The following KCNQ1 variants were observed in gnomAD, a reference collection of about 807,000 sequenced individuals.
KCNQ1 encodes potassium voltage-gated channel subfamily KQT member 1.
A neutral mutation model predicts 72.4 loss-of-function variants in KCNQ1; 49 were observed. The observed-to-expected ratio is 0.68, with a 90% CI of 0.54 to 0.86. The LOEUF is 0.86. KCNQ1 is among the 40% of genes least tolerant of loss of function. The probability of loss-of-function intolerance (pLI) is 0.00; values close to 1 mark genes in which losing one functional copy is unlikely to be tolerated. For synonymous variants in KCNQ1, 450 were observed against 412.6 expected, an observed-to-expected ratio of 1.09 and a Z score of -1.10; for missense variants, 790 against 945.1, an observed-to-expected ratio of 0.84 and a Z score of 2.15.
intron 11 of KCNQ1, chr11:2,675,610 G>A: frequency 2.5e-6 from 1 of 398,628 alleles, no homozygotes; most frequent in Non-Finnish European, 4.4e-6. Context: ...TCCTCAGATA[G>A]GGTGGAGAGC....
chr11:2,616,550 C>G (rs1181949565), intron 10 of KCNQ1: 3 of 397,940 alleles, frequency 7.5e-6, no homozygotes, highest in Non-Finnish European at 1.3e-5. Flanking sequence ...CTGAGCACTT[C>G]TTTCACTACA....
At position 2,642,286 on chromosome 11, in the gene KCNQ1, T is replaced by G; in HGVS notation, c.1394-19675T>G. Reference sequence around the variant, plus strand: ...TTTTTGTGTGTTCTTTTCAATTTCTTTCATCAGACTTTTGTAGTTTTCCTT... The same window carrying G: ...TTTTTGTGTGTTCTTTTCAATTTCTGTCATCAGACTTTTGTAGTTTTCCTT... On this transcript the variant is annotated intron_variant, in intron 10 of 15. Coordinates refer to ENST00000155840, the MANE Select transcript of KCNQ1 (RefSeq NM_000218.3). This position sits in a 1 kb window ranked among gnomAD's most constrained non-coding sequence, Gnocchi z 4.3. 1 of 398,386 alleles carries G rather than the reference T, an allele frequency of 2.5e-6. No individual in the cohort carries two copies. Among genetic ancestry groups the G allele is most frequent in the Non-Finnish European group, 4.4e-6 (1 of 225,912 alleles). The allele number at this position is 398,386 out of a possible 1,614,324, so 24.7% of individuals were successfully genotyped here. A position where few individuals can be genotyped will look rare whatever the true frequency, so the allele number is the denominator to read the frequency against.
chr11:2,667,009 A>G (rs1045641114), intron 11 of KCNQ1: 1 of 398,688 alleles, frequency 2.5e-6, no homozygotes, highest in Non-Finnish European at 4.4e-6. Flanking sequence ...CATGAGTCAT[A>G]GGATCCCCGT....
intron 1 of KCNQ1, among the ~76,000 whole-genome samples, chr11:2,519,366 G>T (rs1257617802): frequency 6.6e-6 from 1 of 152,226 alleles, no homozygotes; most frequent in East Asian, 1.9e-4. Flanking sequence ...CTTTTTAAAA[G>T]AATTTTTTCA....
intron 10 of KCNQ1, among the ~76,000 whole-genome samples, chr11:2,596,249 C>T (rs766746504): frequency 3.9e-5 from 6 of 152,102 alleles, no homozygotes; most frequent in East Asian, 1.9e-4. Context: ...AAGTCCAAAG[C>T]GATGCAACCA....
At chr11:2,742,486 TGTG>T (rs1161067825) in intron 11 of KCNQ1, among the ~76,000 whole-genome samples, 1 of 152,188 alleles carries the variant, frequency 6.6e-6, no homozygotes, top group Non-Finnish European at 1.5e-5. Flanking sequence ...TGCCCACTCA[TGTG>T]GTGGATTCAT....
chr11:2,738,451 G>A (rs1239644293), intron 11 of KCNQ1, among the ~76,000 whole-genome samples: 1 of 152,324 alleles, frequency 6.6e-6, no homozygotes, highest in Non-Finnish European at 1.5e-5. Context: ...TGGCACTAGC[G>A]TGTGTGACAA....
rs1403886990 is a variant in KCNQ1 at position 2,611,065 on chromosome 11, G to A, written c.1393+22211G>A. The A allele has an allele frequency of 1.3e-5, 5 of 398,208 alleles. No homozygotes were observed. The highest frequency in any genetic ancestry group is 2.1e-5 in the African/African-American group (1 of 48,560). The allele number at this position is 398,208 out of a possible 1,614,324, so 24.7% of individuals were successfully genotyped here. On this transcript the variant is annotated intron_variant, in intron 10 of 15. Transcript: ENST00000155840. This position sits in a 1 kb window ranked among gnomAD's most constrained non-coding sequence, Gnocchi z 5.3. ...GTTTTATTTCATATACTTCAGGGCT[G>A]TGTTTTTAGCTGTTATAAATTTTTA...
At chr11:2,513,957 C>T (rs1400482580) in intron 1 of KCNQ1, among the ~76,000 whole-genome samples, 2 of 152,232 alleles carry the variant, frequency 1.3e-5, no homozygotes, top group Non-Finnish European at 2.9e-5. Context: ...GGGCCTGTCC[C>T]ATGCTGGCTC....
rs1034636138 is a variant in KCNQ1, at chr11:2,579,833, C to G, written c.922-3602C>G. On this transcript the variant is annotated intron_variant, in intron 6 of 15. Transcript: ENST00000155840. This position sits in a 1 kb window ranked among gnomAD's most constrained non-coding sequence, Gnocchi z 6.0. ...CAGCCCCAGGAGGTGACACCCCCAC[C>G]CTCAGCAGCTCTCGTCTGTTTGGGG... Among the ~76,000 whole-genome samples, 2 of 152,022 alleles carry G rather than the reference C, an allele frequency of 1.3e-5. No homozygotes were observed.
At chr11:2,459,521 A>G (rs1406142433) in intron 1 of KCNQ1, among the ~76,000 whole-genome samples, 2 of 152,140 alleles carry the variant, frequency 1.3e-5, no homozygotes, top group Admixed American at 1.3e-4. Flanking sequence ...GGTCACTGCC[A>G]GTCTGTAGCT....
At position 2,621,131 on chromosome 11, in the gene KCNQ1, C is replaced by A. The variant is rs1385154224; in HGVS notation, c.1393+32277C>A. 4.0e-5 allele frequency: 16 copies of A among 397,086 alleles called. No individual in the cohort carries two copies. 24.6% of individuals were successfully genotyped at this position (397,086 alleles called of 1,614,324 possible). A position where few individuals can be genotyped will look rare whatever the true frequency, so the allele number is the denominator to read the frequency against. ...TAGCTGGGATTACAGGTGACCGCCACCATACCTGGCTAATTTTTGTGTTTT... is the reference window on the plus strand; with the variant it reads ...TAGCTGGGATTACAGGTGACCGCCAACATACCTGGCTAATTTTTGTGTTTT... On this transcript the variant is annotated intron_variant, in intron 10 of 15. Coordinates refer to ENST00000155840, the MANE Select transcript of KCNQ1 (RefSeq NM_000218.3). The surrounding 1 kb of genome is among the most constrained non-coding windows in gnomAD (Gnocchi z 5.7).
Position 2,698,854 on chromosome 11 carries a change from A to G in KCNQ1, c.1514+36773A>G, listed in dbSNP as rs1419938872. On this transcript the variant is annotated intron_variant, in intron 11 of 15. Coordinates refer to ENST00000155840, the MANE Select transcript of KCNQ1 (RefSeq NM_000218.3). The surrounding 1 kb of genome is among the most constrained non-coding windows in gnomAD (Gnocchi z 5.1). ...CCTAAAACCACCATGCGGACTCCAG[A>G]CCCGGACTGACTGGGACCCCAACTA... 1.3e-5 allele frequency: 5 copies of G among 398,670 alleles called. No homozygotes were observed. Among genetic ancestry groups the G allele is most frequent in the Admixed American group, 4.4e-5 (1 of 22,712 alleles). The allele number at this position is 398,670 out of a possible 1,614,324, so 24.7% of individuals were successfully genotyped here. A position where few individuals can be genotyped will look rare whatever the true frequency, so the allele number is the denominator to read the frequency against.
intron 15 of KCNQ1, among the ~76,000 whole-genome samples, chr11:2,846,334 C>A (rs1412346387): frequency 6.6e-6 from 1 of 152,196 alleles, no homozygotes; most frequent in Non-Finnish European, 1.5e-5. Flanking sequence ...GCCCTTATCG[C>A]GTGCTGATCT....
At position 2,653,790 on chromosome 11, in the gene KCNQ1, T is replaced by A; in HGVS notation, c.1394-8171T>A. The A allele has an allele frequency of 2.5e-6, 1 of 398,646 alleles. No individual in the cohort carries two copies. Among genetic ancestry groups the A allele is most frequent in the Non-Finnish European group, 4.4e-6 (1 of 226,078 alleles). The allele number at this position is 398,646 out of a possible 1,614,324, so 24.7% of individuals were successfully genotyped here. A position where few individuals can be genotyped will look rare whatever the true frequency, so the allele number is the denominator to read the frequency against. On this transcript the variant is annotated intron_variant, in intron 10 of 15. Transcript: ENST00000155840. The surrounding 1 kb of genome is among the most constrained non-coding windows in gnomAD (Gnocchi z 5.3). ...TACAAGCCATCCTTGGACCTGCAGCTGTACCTCCGATGGCTGAGGCAAGGT... is the reference window on the plus strand; with the variant it reads ...TACAAGCCATCCTTGGACCTGCAGCAGTACCTCCGATGGCTGAGGCAAGGT...
At chr11:2,587,395 G>A (rs1848606559) in intron 8 of KCNQ1, among the ~76,000 whole-genome samples, 175 bp from the exon 9 acceptor site, 1 of 152,190 alleles carries the variant, frequency 6.6e-6, no homozygotes, top group African/African-American at 2.4e-5. Context: ...AGGCTGCCTG[G>A]GCAGAGGGTC....
intron 11 of KCNQ1, among the ~76,000 whole-genome samples, chr11:2,714,240 G>C (rs2283201): frequency 2.5e-3 from 388 of 152,350 alleles, no homozygotes; most frequent in African/African-American, 8.6e-3. Flanking sequence ...CTCATGGGGG[G>C]GTTGGGCCTC....
At chr11:2,835,189 G>A (rs1308847374) in intron 15 of KCNQ1, among the ~76,000 whole-genome samples, 1 of 152,160 alleles carries the variant, frequency 6.6e-6, no homozygotes, top group Admixed American at 6.5e-5. Context: ...GGTGGGAATA[G>A]CAGTGAGGTT....
chr11:2,466,698 C>A, intron 1 of KCNQ1, among the ~76,000 whole-genome samples: 1 of 152,222 alleles, frequency 6.6e-6, no homozygotes, highest in East Asian at 1.9e-4. Context: ...CCAGCCTTGT[C>A]CAGGGGGCCT....
Sources: gnomAD v4.1 joint callset for allele counts (sites outside exome capture counted in the v4.1 genomes callset) on GRCh38, gnomAD v4.1.1 for gene constraint, Gnocchi (gnomAD v3.1) non-coding constraint, MANE v1.5 for transcripts, NCBI Gene and HGNC (gene_info 2026-07-23, HGNC 2026-07-21) for gene names.